Variants in CACNA1E observed in about 807,000 individuals in gnomAD.
CACNA1E encodes voltage-dependent R-type calcium channel subunit alpha-1E.
A neutral mutation model predicts 259.2 loss-of-function variants in CACNA1E; 40 were observed. That is an observed-to-expected ratio of 0.15 (90% CI 0.12 to 0.20). The LOEUF is 0.20. CACNA1E is among the 10% of genes least tolerant of loss of function. The probability of loss-of-function intolerance (pLI) is 1.00; values close to 1 mark genes in which losing one functional copy is unlikely to be tolerated. For missense variants in CACNA1E, 1,874 were observed against 3,040.1 expected (o/e 0.62, Z 9.02); for synonymous variants, 1,104 against 1,138.5 (o/e 0.97, Z 0.61).
chr1:181,674,799 C>T (rs1182095265), intron 7 of CACNA1E, among the ~76,000 whole-genome samples: 1 of 152,188 alleles, frequency 6.6e-6, no homozygotes, highest in Non-Finnish European at 1.5e-5. Context: ...ACCCCTCTAG[C>T]AGCTCTGTGG....
At chr1:181,788,313 C>T (rs1276225368) in intron 43 of CACNA1E, among the ~76,000 whole-genome samples, 1 of 152,114 alleles carries the variant, frequency 6.6e-6, no homozygotes, top group African/African-American at 2.4e-5. Context: ...GCTGGTTCCT[C>T]AGAACCATCT....
intron 19 of CACNA1E, among the ~76,000 whole-genome samples, chr1:181,731,586 T>C (rs1035528893): frequency 2.0e-5 from 3 of 152,138 alleles, no homozygotes; most frequent in African/African-American, 7.2e-5. Flanking sequence ...GCGTGTCCCC[T>C]TCACAGTTTG....
chr1:181,680,545 C>T (rs536828757), intron 7 of CACNA1E, among the ~76,000 whole-genome samples: 63 of 152,274 alleles, frequency 4.1e-4, no homozygotes, highest in Non-Finnish European at 7.4e-4. Context: ...ATGCACATGC[C>T]GACCAGCCCA....
chr1:181,653,282 G>T (rs952228986), intron 7 of CACNA1E, among the ~76,000 whole-genome samples: 24 of 152,084 alleles, frequency 1.6e-4, no homozygotes, highest in African/African-American at 4.8e-4. Context: ...GGTGTTGTGG[G>T]AGGGACCTGG....
rs539979712 is a variant in CACNA1E at position 181,460,886 on chromosome 1, A to G, written c.435-22858A>G. Among the ~76,000 whole-genome samples the G allele has an allele frequency of 3.3e-5, 5 of 152,338 alleles. No homozygotes were observed. The East Asian group carries it at 9.6e-4, about 29-fold the overall frequency. On this transcript the variant is annotated intron_variant, in intron 2 of 11. Transcript: ENST00000524607. ...GTGGCCTTTAAGTTTCTCATCTGCA[A>G]TATGGGAATTAACACTAACTTCCTG...
At chr1:181,401,164 G>T (rs748588858) in intron 1 of CACNA1E, among the ~76,000 whole-genome samples, 4 of 152,108 alleles carry the variant, frequency 2.6e-5, no homozygotes, top group Admixed American at 6.5e-5. Context: ...TATCAGAATT[G>T]CCACTTCCTC....
rs1005011919 is a variant in CACNA1E at position 181,804,122 on chromosome 1, G to A, written c.*5288G>A. The A allele has an allele frequency of 6.6e-6, 1 of 152,214 alleles. No individual in the cohort carries two copies. Among genetic ancestry groups the A allele is most frequent in the African/African-American group, 2.4e-5 (1 of 41,452 alleles). The allele number at this position is 152,214 out of a possible 1,614,324, so 9.4% of individuals were successfully genotyped here. ...GGTATGAAAGAGTTGAGTAGACCAA[G>A]TCAAAAGAGGTGTGGGGATTTATGT... On this transcript the variant is annotated 3_prime_UTR_variant, in exon 48 of 48. Transcript: ENST00000367573.
chr1:181,465,012 T>G (rs556968436), intron 2 of CACNA1E, among the ~76,000 whole-genome samples: 2 of 152,302 alleles, frequency 1.3e-5, no homozygotes, highest in Admixed American at 1.3e-4. Context: ...ACCATTCTTT[T>G]CTTCCATTTA....
intron 1 of CACNA1E, among the ~76,000 whole-genome samples, chr1:181,345,214 T>C (rs1304701803): frequency 6.6e-6 from 1 of 152,204 alleles, no homozygotes; most frequent in Non-Finnish European, 1.5e-5. Context: ...CTTTGCAGGG[T>C]GAGCCGTCAT....
intron 2 of CACNA1E, among the ~76,000 whole-genome samples, chr1:181,454,630 C>T (rs998934270): frequency 6.6e-6 from 1 of 152,130 alleles, no homozygotes; most frequent in African/African-American, 2.4e-5. Flanking sequence ...ATAGACAAAT[C>T]CATTTTTATT....
At chr1:181,797,002 A>C in intron 47 of CACNA1E, 144 bp downstream of exon 47, 1 of 570,502 alleles carries the variant, frequency 1.8e-6, no homozygotes, top group East Asian at 2.9e-5. Flanking sequence ...CCTATAGTGC[A>C]TAGAGGTTAG....
intron 6 of CACNA1E, among the ~76,000 whole-genome samples, chr1:181,584,872 T>C (rs978609206): frequency 6.6e-6 from 1 of 152,240 alleles, no homozygotes; most frequent in Admixed American, 6.5e-5. Context: ...AGTGATAAGA[T>C]GAACCAACTG....
intron 7 of CACNA1E, among the ~76,000 whole-genome samples, chr1:181,696,443 C>T (rs757052257): frequency 4.6e-5 from 7 of 152,152 alleles, no homozygotes; most frequent in Non-Finnish European, 8.8e-5. Flanking sequence ...ACTATAGTAT[C>T]ATGTGATTAC....
chr1:181,746,537 A>G (rs1210401790), intron 25 of CACNA1E, among the ~76,000 whole-genome samples: 2 of 152,218 alleles, frequency 1.3e-5, no homozygotes, highest in Non-Finnish European at 2.9e-5. Context: ...CTGTAAGCTA[A>G]GAGCAGTGGC....
intron 1 of CACNA1E, among the ~76,000 whole-genome samples, chr1:181,490,101 A>G (rs998880502): frequency 6.6e-6 from 1 of 152,156 alleles, no homozygotes. Context: ...ATCTTTGCTC[A>G]CTGAGCACCC....
chr1:181,751,483 G>C (rs552464484), intron 26 of CACNA1E, among the ~76,000 whole-genome samples: 11 of 152,204 alleles, frequency 7.2e-5, no homozygotes, highest in Non-Finnish European at 1.5e-4. Flanking sequence ...ACTGGGGTGT[G>C]AGCCAAGGTC....
At chr1:181,739,482 G>A (rs959633700) in intron 25 of CACNA1E, among the ~76,000 whole-genome samples, 1 of 152,176 alleles carries the variant, frequency 6.6e-6, no homozygotes. Context: ...GCGTCAGGAG[G>A]GAGAAGTCAG....
chr1:181,733,172 G>A, intron 20 of CACNA1E, 138 bp downstream of exon 20: 1 of 1,319,824 alleles, frequency 7.6e-7, no homozygotes, highest in Non-Finnish European at 1.0e-6. Flanking sequence ...TGTGAGGTAT[G>A]AATAAATATA....
chr1:181,366,500 C>CT (rs1007106564), intron 1 of CACNA1E, among the ~76,000 whole-genome samples: 40 of 152,258 alleles, frequency 2.6e-4, no homozygotes, highest in African/African-American at 9.1e-4. Context: ...ATTTATCCCT[C>CT]TTTTTTTGCA....
Sources: allele counts gnomAD v4.1 joint callset (sites outside exome capture counted in the v4.1 genomes callset), GRCh38; gene constraint gnomAD v4.1.1; transcripts MANE v1.5; gene names NCBI Gene and HGNC (gene_info 2026-07-23, HGNC 2026-07-21).